The following STK17A variants were observed in gnomAD, a reference collection of about 807,000 sequenced individuals.
STK17A encodes the protein serine/threonine-protein kinase 17A.
STK17A carries 26 observed loss-of-function variants against 43.7 expected under a neutral mutation model. The observed-to-expected ratio is 0.60, with a 90% CI of 0.44 to 0.83. The LOEUF (loss-of-function observed/expected upper bound fraction) is 0.83, where lower values mean the gene tolerates loss of function less well. Ranked by LOEUF, STK17A falls within the 40% of genes least tolerant of loss-of-function variation. The pLI, the probability that STK17A is intolerant of heterozygous loss-of-function variation, is 0.00. For missense variants in STK17A, 476 were observed against 511.6 expected (o/e 0.93, Z 0.67); for synonymous variants, 191 against 182.5 (o/e 1.05, Z -0.38).
chr7:43,608,211 C>A, intron 2 of STK17A, 45 bp from the exon 3 acceptor site: 1 of 1,558,558 alleles, frequency 6.4e-7, no homozygotes, highest in South Asian at 1.2e-5. Flanking sequence ...AAGTGTTCGC[C>A]ATTTCTTATG....
chr7:43,620,169 GA>G (rs2083729267), intron 4 of STK17A, among the ~76,000 whole-genome samples: 1 of 152,188 alleles, frequency 6.6e-6, no homozygotes, highest in Non-Finnish European at 1.5e-5. Flanking sequence ...CTGGCAGAAA[GA>G]AAAAGGAGCT....
intron 2 of STK17A, among the ~76,000 whole-genome samples, chr7:43,606,516 A>C (rs2082589905): frequency 6.6e-6 from 1 of 152,216 alleles, no homozygotes; most frequent in South Asian, 2.1e-4. Context: ...CTGTAAAAGT[A>C]GTTTTTGTAC....
chr7:43,625,194 A>T lies in STK17A; in HGVS notation c.*352A>T, dbSNP rs2084374650. ...AAAGTGCCAAAACTACACTTCTGTAAATCTCTTGCATTATTCATATGTGTA... is the reference window on the plus strand; with the variant it reads ...AAAGTGCCAAAACTACACTTCTGTATATCTCTTGCATTATTCATATGTGTA... On this transcript the variant is annotated 3_prime_UTR_variant, in exon 7 of 7. Coordinates refer to ENST00000319357, the MANE Select transcript of STK17A (RefSeq NM_004760.3). 1.6e-5 allele frequency: 3 copies of T among 188,008 alleles called. No individual in the cohort carries two copies. Among genetic ancestry groups the T allele is most frequent in the African/African-American group, 2.4e-5 (1 of 42,174 alleles). The allele number at this position is 188,008 out of a possible 1,614,324, so 11.6% of individuals were successfully genotyped here.
intron 1 of STK17A, among the ~76,000 whole-genome samples, chr7:43,590,560 A>G (rs932907264): frequency 1.3e-5 from 2 of 151,572 alleles, no homozygotes; most frequent in Admixed American, 6.6e-5. Flanking sequence ...ATGAAAACCT[A>G]AGTTCTCAGT....
At position 43,625,404 on chromosome 7, in the gene STK17A, T is replaced by C. The variant is rs1232140425; in HGVS notation, c.*562T>C. ...ACTGCTTTATAGTGACTTGATTTGG[T>C]TTCTGTTGTGTTTTTGCCTAAATAC... On this transcript the variant is annotated 3_prime_UTR_variant, in exon 7 of 7. Coordinates refer to ENST00000319357, the MANE Select transcript of STK17A (RefSeq NM_004760.3). 1 of 152,220 alleles carries C rather than the reference T, an allele frequency of 6.6e-6. No homozygotes were observed. The highest frequency in any genetic ancestry group is 2.4e-5 in the African/African-American group (1 of 41,438). 9.4% of individuals were successfully genotyped at this position (152,220 alleles called of 1,614,324 possible). A position where few individuals can be genotyped will look rare whatever the true frequency, so the allele number is the denominator to read the frequency against.
At chr7:43,600,352 G>A (rs1266374433) in intron 2 of STK17A, among the ~76,000 whole-genome samples, 1 of 152,146 alleles carries the variant, frequency 6.6e-6, no homozygotes, top group African/African-American at 2.4e-5. Flanking sequence ...GTTCAAGATT[G>A]TGATTTGGGG....
intron 1 of STK17A, among the ~76,000 whole-genome samples, chr7:43,585,908 A>G (rs10277819): frequency 0.12 from 18,579 of 151,596 alleles, 1,673 homozygotes; most frequent in Admixed American, 0.2. Flanking sequence ...TGGCAAAAGT[A>G]ATGAAGTCAC....
rs7778665 is a variant in STK17A at position 43,625,537 on chromosome 7, C to T, written c.*695C>T. ...ATTATTCTGGGTTTAGGTGTCAGCTCTTGAGCTGCTTCCCTCATCACACCA... is the reference window on the plus strand; with the variant it reads ...ATTATTCTGGGTTTAGGTGTCAGCTTTTGAGCTGCTTCCCTCATCACACCA... On this transcript the variant is annotated 3_prime_UTR_variant, in exon 7 of 7. Transcript: ENST00000319357. 85,204 of 151,812 alleles carry T rather than the reference C, an allele frequency of 0.56. 25,671 individuals carry two copies. The highest frequency in any genetic ancestry group is 0.8 in the African/African-American group (32,932 of 41,372). The allele number at this position is 151,812 out of a possible 1,614,324, so 9.4% of individuals were successfully genotyped here. A position where few individuals can be genotyped will look rare whatever the true frequency, so the allele number is the denominator to read the frequency against.
intron 1 of STK17A, among the ~76,000 whole-genome samples, chr7:43,593,470 T>G (rs933537019): frequency 1.3e-5 from 2 of 152,234 alleles, no homozygotes; most frequent in African/African-American, 4.8e-5. Flanking sequence ...CTACTTTCCA[T>G]AGTGGCTGAA....
At chr7:43,595,467 C>T (rs1211388197) in intron 1 of STK17A, among the ~76,000 whole-genome samples, 1 of 151,970 alleles carries the variant, frequency 6.6e-6, no homozygotes, top group Non-Finnish European at 1.5e-5. Flanking sequence ...TTAGTAGAGA[C>T]AGGGTTTCGC....
chr7:43,606,498 A>T (rs1259241133), intron 2 of STK17A, among the ~76,000 whole-genome samples: 1 of 152,124 alleles, frequency 6.6e-6, no homozygotes, highest in Non-Finnish European at 1.5e-5. Context: ...TAAAGTTCTA[A>T]ATGTTTTCTG....
In STK17A at chr7:43,624,911, C is replaced by A; in HGVS notation, c.*69C>A. 1 of 1,318,200 alleles carries A rather than the reference C, an allele frequency of 7.6e-7. No individual in the cohort carries two copies. Among genetic ancestry groups the A allele is most frequent in the Non-Finnish European group, 1.0e-6 (1 of 962,150 alleles). 81.7% of individuals were successfully genotyped at this position (1,318,200 alleles called of 1,614,324 possible). ...GTTAATATTATTTATGGACCTCTGG[C>A]CAAATGGTACATGTACTGGAAGTGG... On this transcript the variant is annotated 3_prime_UTR_variant, in exon 7 of 7. Coordinates refer to ENST00000319357, the MANE Select transcript of STK17A (RefSeq NM_004760.3).
intron 2 of STK17A, among the ~76,000 whole-genome samples, chr7:43,597,410 T>A (rs1166100394): frequency 6.6e-6 from 1 of 151,914 alleles, no homozygotes; most frequent in Non-Finnish European, 1.5e-5. Context: ...TTTTTTGAGA[T>A]GGATTTTCAC....
rs1337662603 is a variant in STK17A, at chr7:43,590,484, T to C, written c.207-5417T>C. Reference sequence around the variant, plus strand: ...ATGTATCTTACCTTTCCCACCTCTCTGGAATATGTTTTCAGTGAGTAGTTC... The same window carrying C: ...ATGTATCTTACCTTTCCCACCTCTCCGGAATATGTTTTCAGTGAGTAGTTC... On this transcript the variant is annotated intron_variant, in intron 1 of 6. Coordinates refer to ENST00000319357, the MANE Select transcript of STK17A (RefSeq NM_004760.3). Among the ~76,000 whole-genome samples, 3 of 151,630 alleles carry C rather than the reference T, an allele frequency of 2.0e-5. No homozygotes were observed. The East Asian group carries it at 5.8e-4, about 29-fold the overall frequency.
At chr7:43,603,561 A>G (rs1563146705) in intron 2 of STK17A, among the ~76,000 whole-genome samples, 1 of 152,190 alleles carries the variant, frequency 6.6e-6, no homozygotes, top group Non-Finnish European at 1.5e-5. Context: ...CAAAGTTTGA[A>G]ACTTTGAGCG....
intron 1 of STK17A, among the ~76,000 whole-genome samples, chr7:43,585,527 G>GCATAACAAT: frequency 6.6e-6 from 1 of 151,496 alleles, no homozygotes; most frequent in East Asian, 1.9e-4. Flanking sequence ...TAACAATGCA[G>GCATAACAAT]TTATTAGATA....
chr7:43,616,235 C>T (rs1336204576), intron 3 of STK17A, among the ~76,000 whole-genome samples: 2 of 152,140 alleles, frequency 1.3e-5, no homozygotes, highest in Non-Finnish European at 2.9e-5. Flanking sequence ...GTATATATTG[C>T]TTTCATGGTG....
intron 1 of STK17A, among the ~76,000 whole-genome samples, chr7:43,586,143 G>A (rs970782853): frequency 4.0e-5 from 6 of 151,438 alleles, no homozygotes; most frequent in Admixed American, 2.0e-4. Flanking sequence ...GAGAATACCC[G>A]TGTTAATAGT....
intron 2 of STK17A, among the ~76,000 whole-genome samples, chr7:43,605,566 C>T (rs2082583170): frequency 6.6e-6 from 1 of 152,022 alleles, no homozygotes; most frequent in Non-Finnish European, 1.5e-5. Context: ...TTGTGCAGCT[C>T]CCTCCTCTCT....
Sources: allele counts gnomAD v4.1 joint callset (sites outside exome capture counted in the v4.1 genomes callset), GRCh38; gene constraint gnomAD v4.1.1; transcripts MANE v1.5; gene names NCBI Gene and HGNC (gene_info 2026-07-23, HGNC 2026-07-21).